The following PLAT variants were observed in gnomAD, a reference collection of about 807,000 sequenced individuals.
PLAT encodes plasminogen activator, tissue type.
A neutral mutation model predicts 74.9 loss-of-function variants in PLAT; 48 were observed. The ratio of observed to expected loss-of-function variants is 0.64; its 90% CI spans 0.51 to 0.82. PLAT has a LOEUF of 0.82. Ranked by LOEUF, PLAT falls within the 40% of genes least tolerant of loss-of-function variation. The pLI, the probability that PLAT is intolerant of heterozygous loss-of-function variation, is 0.00. For synonymous variants in PLAT, 307 were observed against 294.4 expected (o/e 1.04, Z -0.44); for missense variants, 673 against 736.2 (o/e 0.91, Z 0.99).
intron 1 of PLAT, among the ~76,000 whole-genome samples, chr8:42,205,468 A>C (rs1806294745): frequency 6.6e-6 from 1 of 152,186 alleles, no homozygotes. Context: ...TGGAGGTTGC[A>C]GTAGCCGGGA....
intron 2 of PLAT, 68 bp downstream of exon 2, chr8:42,193,046 C>G: frequency 8.9e-7 from 1 of 1,122,074 alleles, no homozygotes; most frequent in Admixed American, 1.7e-5. Context: ...CAGATGGACA[C>G]AGACCCCTGG....
chr8:42,177,619 G>A (rs990999234), intron 13 of PLAT, among the ~76,000 whole-genome samples: 5 of 152,176 alleles, frequency 3.3e-5, no homozygotes, highest in Non-Finnish European at 7.3e-5. Flanking sequence ...TGCATGAAAA[G>A]CACTGGAAGA....
chr8:42,178,545 C>T (rs1269028178), intron 13 of PLAT, among the ~76,000 whole-genome samples: 1 of 152,232 alleles, frequency 6.6e-6, no homozygotes. Context: ...GCTGGGATTA[C>T]AGGCGTGAAC....
intron 1 of PLAT, among the ~76,000 whole-genome samples, chr8:42,197,842 A>G (rs1292556256): frequency 6.6e-6 from 1 of 152,230 alleles, no homozygotes; most frequent in Non-Finnish European, 1.5e-5. Flanking sequence ...CCTTCCAAAA[A>G]GCATCTATAT....
At chr8:42,201,058 A>T (rs781525717) in intron 1 of PLAT, among the ~76,000 whole-genome samples, 1 of 152,078 alleles carries the variant, frequency 6.6e-6, no homozygotes, top group African/African-American at 2.4e-5. Context: ...TCGAACTCCC[A>T]ACCTCAGGTG....
intron 6 of PLAT, chr8:42,186,039 T>C (rs1239341570): frequency 1.3e-5 from 2 of 151,646 alleles, no homozygotes; most frequent in African/African-American, 4.9e-5. Context: ...CTATCTAGTG[T>C]GAAAGGAAAA....
At chr8:42,176,364 G>A (rs1175125490) in intron 13 of PLAT, among the ~76,000 whole-genome samples, 6 of 152,162 alleles carry the variant, frequency 3.9e-5, no homozygotes, top group East Asian at 1.9e-4. Context: ...CAGGTACCCC[G>A]GTTTCCTTCC....
chr8:42,181,570 G>A (rs987304662), intron 9 of PLAT, among the ~76,000 whole-genome samples: 2 of 152,160 alleles, frequency 1.3e-5, no homozygotes, highest in Non-Finnish European at 2.9e-5. Flanking sequence ...CACGCTGTTG[G>A]ACAAATGTGG....
intron 6 of PLAT, chr8:42,186,037 T>G (rs565506556): frequency 4.6e-5 from 7 of 151,732 alleles, no homozygotes; most frequent in Non-Finnish European, 7.4e-5. Context: ...ATCTATCTAG[T>G]GTGAAAGGAA....
At chr8:42,179,109 A>G in intron 12 of PLAT, 46 bp from the exon 13 acceptor site, 1 of 1,506,604 alleles carries the variant, frequency 6.6e-7, no homozygotes, top group Non-Finnish European at 9.1e-7. Context: ...AGTTATTTAT[A>G]AACGTTTTTG....
Position 42,180,644 on chromosome 8 carries a change from T to G in PLAT, c.931A>C (p.Ile311Leu), listed in dbSNP as rs1805202562. The G allele has an allele frequency of 3.1e-6, 5 of 1,604,376 alleles. No individual in the cohort carries two copies. Among genetic ancestry groups the G allele is most frequent in the Non-Finnish European group, 4.3e-6 (5 of 1,174,336 alleles). ...LRQYSQPQFR[I>L]KGGLFADIAS... is the part of the protein sequence containing the mutation. ...ATGTCGGCGAAGAGCCCTCCTTTGA[T>G]GCGAAACTGAGGCTGGCTGTACTGT... is the stretch of plus-strand genomic sequence containing the variant. Residue 311 changes from isoleucine (I) to leucine (L), a missense_variant, in exon 10 of 14, where the codon ATC becomes CTC. By Grantham distance (5) the Ile-to-Leu change is conservative. Transcript: ENST00000220809.
chr8:42,183,308 CT>C (rs1805325293), intron 7 of PLAT, among the ~76,000 whole-genome samples: 1 of 152,128 alleles, frequency 6.6e-6, no homozygotes, highest in Non-Finnish European at 1.5e-5. Context: ...CGGCCTGAGC[CT>C]TTTTCCCCCT....
At chr8:42,194,794 AC>A (rs8178720) in intron 1 of PLAT, among the ~76,000 whole-genome samples, 78,871 of 121,748 alleles carry the variant, frequency 0.65, 22,483 homozygotes, top group East Asian at 0.73. Context: ...CTCCACGCCC[AC>A]CCCCCCCACC....
chr8:42,176,496 C>G (rs1804979737), intron 13 of PLAT, among the ~76,000 whole-genome samples: 2 of 152,354 alleles, frequency 1.3e-5, no homozygotes, highest in Admixed American at 1.3e-4. Context: ...CTGGTCCCGC[C>G]TGGCGCCCTG....
intron 9 of PLAT, among the ~76,000 whole-genome samples, chr8:42,180,980 T>C (rs1805217088): frequency 6.6e-6 from 1 of 152,260 alleles, no homozygotes; most frequent in Non-Finnish European, 1.5e-5. Context: ...AGCCATTTCC[T>C]GGCCTAAGAA....
intron 1 of PLAT, among the ~76,000 whole-genome samples, chr8:42,194,241 A>AGAGAGAGAGAGGGTGTGTGTGTGTGTGT (rs1419569830): frequency 1.9e-5 from 1 of 52,544 alleles, no homozygotes; most frequent in African/African-American, 6.7e-5. Context: ...AGAGAGAGAG[A>AGAGAGAGAGAGGGTGTGTGTGTGTGTGT]GTGTGTGTGT....
At position 42,182,062 on chromosome 8, in the gene PLAT, T is replaced by C. The variant is rs749395091; in HGVS notation, c.804-40A>G. Reference sequence around the variant, plus strand: ...AGTTTAAGGTTTCCTTTTTATCTTCTTATTTTTTAATTTTTGTAGAGATGG... The same window carrying C: ...AGTTTAAGGTTTCCTTTTTATCTTCCTATTTTTTAATTTTTGTAGAGATGG... On this transcript the variant is annotated intron_variant, in intron 8 of 13. Coordinates refer to ENST00000220809, the MANE Select transcript of PLAT (RefSeq NM_000930.5). 8 of 1,326,424 alleles carry C rather than the reference T, an allele frequency of 6.0e-6. No individual in the cohort carries two copies. The South Asian group carries it at 8.3e-5, about 14-fold the overall frequency. The allele number at this position is 1,326,424 out of a possible 1,614,324, so 82.2% of individuals were successfully genotyped here.
In PLAT at chr8:42,194,215, T is replaced by TGAGAGAGAGAGA. The variant is rs140537859; in HGVS notation, c.-26-1016_-26-1005dup. ...TCAGGCATGTGCCACTGTGCCTGGC[T>TGAGAGAGAGAGA]GAGAGAGAGAGAGAGAGAGAGAGAG... On this transcript the variant is annotated intron_variant, in intron 1 of 13. Coordinates refer to ENST00000220809, the MANE Select transcript of PLAT (RefSeq NM_000930.5). Among the ~76,000 whole-genome samples, 588 of 119,820 alleles carry TGAGAGAGAGAGA rather than the reference T, an allele frequency of 4.9e-3. 19 individuals are homozygous for TGAGAGAGAGAGA. Among genetic ancestry groups the TGAGAGAGAGAGA allele is most frequent in the African/African-American group, 0.023 (511 of 21,834 alleles). The allele number at this position is 119,820 out of a possible 152,430, so 78.6% of individuals were successfully genotyped here.
intron 1 of PLAT, among the ~76,000 whole-genome samples, chr8:42,202,660 C>T (rs967396892): frequency 6.6e-6 from 1 of 152,134 alleles, no homozygotes; most frequent in African/African-American, 2.4e-5. Context: ...CAGCTCTTAT[C>T]CTGAAAGAGC....
Sources: allele counts gnomAD v4.1 joint callset (sites outside exome capture counted in the v4.1 genomes callset), GRCh38; gene constraint gnomAD v4.1.1; transcripts MANE v1.5; gene names NCBI Gene and HGNC (gene_info 2026-07-23, HGNC 2026-07-21).